BIN1: variants seen among roughly 807,000 people sequenced by gnomAD.
The protein encoded by BIN1 is myc box-dependent-interacting protein 1.
In BIN1, 53 loss-of-function variants were observed where a neutral mutation model predicts 82.0. The observed-to-expected ratio is 0.65, with a 90% CI of 0.52 to 0.81. The LOEUF is 0.81. Ranked by LOEUF, BIN1 falls within the 40% of genes least tolerant of loss-of-function variation. The pLI, the probability that BIN1 is intolerant of heterozygous loss-of-function variation, is 0.00. For missense variants in BIN1, 642 were observed against 784.4 expected (o/e 0.82, Z 2.17); for synonymous variants, 302 against 328.0 (o/e 0.92, Z 0.86).
At chr2:127,064,045 T>G (rs760438099) in intron 7 of BIN1, 27 bp from the exon 8 acceptor site, 111 of 1,613,232 alleles carry the variant, frequency 6.9e-5, no homozygotes, top group Non-Finnish European at 9.2e-5. Flanking sequence ...GTCATTCCCC[T>G]CTGTTGGGCG....
At chr2:127,080,773 G>C (rs537108839) in intron 1 of BIN1, among the ~76,000 whole-genome samples, 1 of 152,026 alleles carries the variant, frequency 6.6e-6, no homozygotes, top group Non-Finnish European at 1.5e-5. Flanking sequence ...AGGGCAGGGA[G>C]GGGGGGCAGG....
chr2:127,084,546 C>T (rs944672713), intron 1 of BIN1, among the ~76,000 whole-genome samples: 32 of 152,246 alleles, frequency 2.1e-4, no homozygotes, highest in African/African-American at 7.2e-4. Context: ...ACCCTGATTT[C>T]CTTCGGTGGA....
At chr2:127,060,465 C>T in intron 10 of BIN1, 1 of 1,385,382 alleles carries the variant, frequency 7.2e-7, no homozygotes, top group Non-Finnish European at 1.0e-6. Flanking sequence ...ACACGACAGC[C>T]CTGCCGGGCA....
At chr2:127,054,086 TGCAGGCACAG>T (rs1683325622) in intron 12 of BIN1, 74 bp from the exon 13 acceptor site, 3 of 1,293,198 alleles carry the variant, frequency 2.3e-6, no homozygotes, top group Non-Finnish European at 3.3e-6. Flanking sequence ...AGGCAGACAC[TGCAGGCACAG>T]GCACACGCGT....
Position 127,072,619 on chromosome 2 carries a change from G to T in BIN1, c.166-1803C>A, listed in dbSNP as rs796091418. Reference sequence around the variant, plus strand: ...GATGTATAATTTAAAGAGAGCATGTGTGAAAAAAAAAAAAATCTCTAAAAT... The same window carrying T: ...GATGTATAATTTAAAGAGAGCATGTTTGAAAAAAAAAAAAATCTCTAAAAT... On this transcript the variant is annotated intron_variant, in intron 2 of 18. Coordinates refer to ENST00000316724, the MANE Select transcript of BIN1 (RefSeq NM_139343.3). Among the ~76,000 whole-genome samples the T allele has an allele frequency of 6.8e-4, 59 of 86,558 alleles. 2 individuals carry two copies. Among genetic ancestry groups the T allele is most frequent in the African/African-American group, 4.7e-3 (56 of 11,816 alleles). 56.8% of individuals were successfully genotyped at this position (86,558 alleles called of 152,430 possible). A position where few individuals can be genotyped will look rare whatever the true frequency, so the allele number is the denominator to read the frequency against.
Position 127,076,668 on chromosome 2 carries a change from A to G in BIN1, c.123T>C (p.Asp41=). ...TCTGGACGCACTGCTCAAACTGCTC[A>G]TCCTTGGTCTCATCTGCCTTCCCCA... ...QKLGKADETK[D]EQFEQCVQNF... The change falls in exon 2 of 19, where the codon GAT becomes GAC. Residue 41 remains aspartate, a synonymous_variant. Coordinates refer to ENST00000316724, the MANE Select transcript of BIN1 (RefSeq NM_139343.3). 1 of 1,614,112 alleles carries G rather than the reference A, an allele frequency of 6.2e-7. No individual in the cohort carries two copies. Among genetic ancestry groups the G allele is most frequent in the Non-Finnish European group, 8.5e-7 (1 of 1,180,024 alleles).
chr2:127,084,196 T>C (rs1677828770), intron 1 of BIN1, among the ~76,000 whole-genome samples: 1 of 152,212 alleles, frequency 6.6e-6, no homozygotes, highest in Non-Finnish European at 1.5e-5. Flanking sequence ...CAAGTCCCCC[T>C]GGCGCACCGT....
chr2:127,051,776 C>A (rs577284964), intron 15 of BIN1, among the ~76,000 whole-genome samples: 1 of 152,266 alleles, frequency 6.6e-6, no homozygotes, highest in East Asian at 1.9e-4. Flanking sequence ...GCACGGGCAC[C>A]GCAGCACGGG....
At chr2:127,104,427 G>C (rs149176547) in intron 1 of BIN1, among the ~76,000 whole-genome samples, 121 of 152,268 alleles carry the variant, frequency 7.9e-4, no homozygotes, top group Non-Finnish European at 1.5e-3. Context: ...TGTTTGTTTG[G>C]GCTGGAAGTG....
At chr2:127,070,222 C>T (rs903746952) in intron 4 of BIN1, 132 bp from the exon 5 acceptor site, 1 of 763,862 alleles carries the variant, frequency 1.3e-6, no homozygotes, top group Admixed American at 2.0e-5. Flanking sequence ...TCAGTTTCCC[C>T]ATCTGTAAGA....
intron 15 of BIN1, 47 bp from the exon 16 acceptor site, chr2:127,051,290 G>A (rs769072724): frequency 1.8e-5 from 29 of 1,596,354 alleles, no homozygotes; most frequent in Non-Finnish European, 2.4e-5. Context: ...ACAGGACACA[G>A]CCAGGACACA....
At chr2:127,054,083 C>T (rs1000643428) in intron 12 of BIN1, 71 bp from the exon 13 acceptor site, 6 of 1,305,876 alleles carry the variant, frequency 4.6e-6, no homozygotes, top group Non-Finnish European at 5.4e-6. Context: ...CCCAGGCAGA[C>T]ACTGCAGGCA....
At chr2:127,103,841 A>T (rs1276726119) in intron 1 of BIN1, among the ~76,000 whole-genome samples, 1 of 152,234 alleles carries the variant, frequency 6.6e-6, no homozygotes. Context: ...AGGGTTCGAC[A>T]AGCCAAACGC....
At chr2:127,064,639 G>T (rs76146559) in intron 7 of BIN1, 1 of 177,566 alleles carries the variant, frequency 5.6e-6, no homozygotes, top group Non-Finnish European at 1.2e-5. Context: ...GCACCTCTAG[G>T]AATGTCAGGG....
chr2:127,089,162 G>A (rs943883016), intron 1 of BIN1, among the ~76,000 whole-genome samples: 21 of 152,116 alleles, frequency 1.4e-4, no homozygotes, highest in Non-Finnish European at 2.5e-4. Context: ...CCAGGGTCAC[G>A]CAGCCAGGCC....
chr2:127,081,865 AG>A (rs1207544670), intron 1 of BIN1: 1 of 1,287,030 alleles, frequency 7.8e-7, no homozygotes, highest in African/African-American at 1.5e-5. Context: ...CTGCCTGCAC[AG>A]GAAGGGCGGG....
chr2:127,053,653 T>C lies in BIN1; in HGVS notation c.1240-208A>G, dbSNP rs559070746. On this transcript the variant is annotated intron_variant, in intron 13 of 18. Coordinates refer to ENST00000316724, the MANE Select transcript of BIN1 (RefSeq NM_139343.3). Reference sequence around the variant, plus strand: ...GGAGCTTCAAGACCCCAAGCCAGGATGCTTCTGCCCCAAGCGATGAGCACA... The same window carrying C: ...GGAGCTTCAAGACCCCAAGCCAGGACGCTTCTGCCCCAAGCGATGAGCACA... 7.9e-6 allele frequency: 6 copies of C among 756,468 alleles called. No individual in the cohort carries two copies. In the East Asian group the frequency reaches 1.1e-4, roughly 14 times the overall value. The allele number at this position is 756,468 out of a possible 1,614,324, so 46.9% of individuals were successfully genotyped here.
chr2:127,060,779 T>TG, intron 10 of BIN1: 1 of 1,148,674 alleles, frequency 8.7e-7, no homozygotes, highest in Non-Finnish European at 1.3e-6. Context: ...GCCAGAGGCC[T>TG]TGCACAGGGC....
intron 5 of BIN1, 114 bp downstream of exon 5, chr2:127,069,881 G>A (rs1000698296): frequency 3.2e-5 from 35 of 1,090,162 alleles, no homozygotes; most frequent in African/African-American, 1.3e-4. Context: ...CGGGCCAGGC[G>A]CTTCCTGCCT....
Sources: gnomAD v4.1 joint callset for allele counts (sites outside exome capture counted in the v4.1 genomes callset) on GRCh38, gnomAD v4.1.1 for gene constraint, MANE v1.5 for transcripts, NCBI Gene and HGNC (gene_info 2026-07-23, HGNC 2026-07-21) for gene names.